Variants in PRR16 observed in about 807,000 individuals in gnomAD.
PRR16 encodes the protein protein Largen.
PRR16 carries 6 observed loss-of-function variants against 18.2 expected under a neutral mutation model. That is an observed-to-expected ratio of 0.33 (90% CI 0.18 to 0.65). The LOEUF is 0.65. PRR16 is among the 30% of genes least tolerant of loss of function. PRR16 has a pLI of 0.74. For synonymous variants in PRR16, 151 were observed against 147.8 expected, an observed-to-expected ratio of 1.02 and a Z score of -0.16; for missense variants, 412 against 376.6, an observed-to-expected ratio of 1.09 and a Z score of -0.78.
intron 1 of PRR16, among the ~76,000 whole-genome samples, chr5:120,637,317 GAAAAAAAA>G (rs372136712): frequency 1.8e-4 from 11 of 62,636 alleles, no homozygotes; most frequent in Admixed American, 2.6e-4. Context: ...CCATTATACG[GAAAAAAAA>G]AAAAAAAAAA....
the PRR16 span, among the ~76,000 whole-genome samples, chr5:120,729,055 G>C: frequency 6.6e-6 from 1 of 152,066 alleles, no homozygotes; most frequent in Non-Finnish European, 1.5e-5. Context: ...GGTTCTGATA[G>C]CATATTTTTG....
the PRR16 span, among the ~76,000 whole-genome samples, chr5:120,786,664 CAAAT>C: frequency 6.6e-6 from 1 of 150,774 alleles, no homozygotes; most frequent in African/African-American, 2.4e-5. Flanking sequence ...TACCAAAATG[CAAAT>C]AAATATATAA....
chr5:120,654,872 C>A (rs1755913238), intron 1 of PRR16, among the ~76,000 whole-genome samples: 1 of 151,654 alleles, frequency 6.6e-6, no homozygotes, highest in South Asian at 2.1e-4. Flanking sequence ...ATTGTAGGAA[C>A]AACCCAGGAC....
At chr5:120,465,578 C>CTGGG (rs1749049979) in intron 1 of PRR16, 1 of 147,618 alleles carries the variant, frequency 6.8e-6, no homozygotes, top group Non-Finnish European at 1.5e-5. Context: ...GGCGGCGGCT[C>CTGGG]CGGGCGGGGG....
chr5:120,720,385 A>G, the PRR16 span, among the ~76,000 whole-genome samples: 1 of 151,960 alleles, frequency 6.6e-6, no homozygotes. Context: ...ATCTTTTCCA[A>G]GTGAAAATAT....
At chr5:120,593,254 A>T (rs1207909289) in intron 1 of PRR16, among the ~76,000 whole-genome samples, 1 of 152,014 alleles carries the variant, frequency 6.6e-6, no homozygotes, top group Non-Finnish European at 1.5e-5. Flanking sequence ...CTAATAAGAT[A>T]GACTACTAAC....
chr5:120,694,202 A>G, the PRR16 span, among the ~76,000 whole-genome samples: 1 of 152,126 alleles, frequency 6.6e-6, no homozygotes, highest in African/African-American at 2.4e-5. Flanking sequence ...ATTGTTTTTT[A>G]TTTGCCTTAG....
the PRR16 span, among the ~76,000 whole-genome samples, chr5:120,784,081 T>A: frequency 3.3e-5 from 5 of 152,332 alleles, no homozygotes; most frequent in South Asian, 1.0e-3. Flanking sequence ...TGTATATATG[T>A]TCTACTTTTT....
chr5:120,684,996 A>T (rs1193236145), intron 1 of PRR16, among the ~76,000 whole-genome samples: 1 of 152,086 alleles, frequency 6.6e-6, no homozygotes, highest in Non-Finnish European at 1.5e-5. Flanking sequence ...GATAGTAAAC[A>T]TCTGCTTTGT....
intron 1 of PRR16, among the ~76,000 whole-genome samples, chr5:120,554,605 A>G (rs1752353977): frequency 6.6e-6 from 1 of 151,940 alleles, no homozygotes; most frequent in South Asian, 2.1e-4. Context: ...TCAGATGTAA[A>G]TAAGAGAACT....
intron 1 of PRR16, among the ~76,000 whole-genome samples, chr5:120,668,710 A>C (rs949655385): frequency 1.3e-5 from 2 of 152,124 alleles, no homozygotes; most frequent in Non-Finnish European, 2.9e-5. Flanking sequence ...TCCTTCACTT[A>C]TGAAGGTTAG....
chr5:120,531,205 C>T (rs185144689), intron 1 of PRR16, among the ~76,000 whole-genome samples: 63 of 152,220 alleles, frequency 4.1e-4, no homozygotes, highest in African/African-American at 1.5e-3. Flanking sequence ...TAGAATATAA[C>T]ATTTTTTCCC....
At chr5:120,637,500 C>T (rs139807741) in intron 1 of PRR16, among the ~76,000 whole-genome samples, 2 of 152,070 alleles carry the variant, frequency 1.3e-5, no homozygotes, top group East Asian at 1.9e-4. Flanking sequence ...ATGGCACTCA[C>T]AGTAACCTGA....
intron 1 of PRR16, among the ~76,000 whole-genome samples, chr5:120,492,866 C>T (rs1183889134): frequency 6.6e-6 from 1 of 152,154 alleles, no homozygotes; most frequent in Non-Finnish European, 1.5e-5. Context: ...CAGTTCCATC[C>T]AAGTTGCTAC....
At chr5:120,760,416 T>G in the PRR16 span, among the ~76,000 whole-genome samples, 1 of 152,134 alleles carries the variant, frequency 6.6e-6, no homozygotes, top group East Asian at 1.9e-4. Flanking sequence ...TACTTGCATC[T>G]TCTCCCTCCC....
chr5:120,612,556 A>C (rs1754370247), intron 1 of PRR16, among the ~76,000 whole-genome samples: 1 of 150,718 alleles, frequency 6.6e-6, no homozygotes, highest in African/African-American at 2.5e-5. Context: ...AGGCGCTTCT[A>C]CTTTTGCTTC....
chr5:120,588,250 A>G (rs1189253964), intron 1 of PRR16, among the ~76,000 whole-genome samples: 63 of 152,218 alleles, frequency 4.1e-4, no homozygotes, highest in Non-Finnish European at 4.4e-5. Flanking sequence ...GGAATATTGC[A>G]TAAACTTAGT....
At chr5:120,777,771 T>C in the PRR16 span, among the ~76,000 whole-genome samples, 4 of 152,116 alleles carry the variant, frequency 2.6e-5, no homozygotes, top group African/African-American at 9.7e-5. Context: ...GCGCACTGAA[T>C]ACTGCGAATC....
the PRR16 span, among the ~76,000 whole-genome samples, chr5:120,773,921 CTA>C: frequency 3.1e-3 from 475 of 152,274 alleles, 3 homozygotes; most frequent in African/African-American, 0.011. Flanking sequence ...ATAAGCATCT[CTA>C]TGTGTGGGTA....
Sources: allele counts gnomAD v4.1 joint callset (sites outside exome capture counted in the v4.1 genomes callset), GRCh38; gene constraint gnomAD v4.1.1; transcripts MANE v1.5; gene names NCBI Gene and HGNC (gene_info 2026-07-23, HGNC 2026-07-21).